ACACB: variants seen among roughly 807,000 people sequenced by gnomAD.
The protein encoded by ACACB is acetyl-CoA carboxylase beta, also known as acetyl-CoA carboxylase 2.
A neutral mutation model predicts 278.8 loss-of-function variants in ACACB; 209 were observed. The observed-to-expected ratio is 0.75, with a 90% confidence interval of 0.67 to 0.84. The LOEUF (loss-of-function observed/expected upper bound fraction) is 0.84, where lower values mean the gene tolerates loss of function less well. Ranked by LOEUF, ACACB falls within the 40% of genes least tolerant of loss-of-function variation. The pLI is 0.00. For missense variants in ACACB, 2,850 were observed against 3,269.0 expected, an observed-to-expected ratio of 0.87 and a Z score of 3.13; for synonymous variants, 1,174 against 1,285.6, an observed-to-expected ratio of 0.91 and a Z score of 1.86.
At chr12:109,264,987 T>G in intron 50 of ACACB, 123 bp from the exon 51 acceptor site, 1 of 1,114,220 alleles carries the variant, frequency 9.0e-7, no homozygotes, top group African/African-American at 1.6e-5. Flanking sequence ...TTGCCTGGGA[T>G]GATCTGGGAA....
chr12:109,148,539 G>A (rs1397899950), intron 2 of ACACB, among the ~76,000 whole-genome samples: 2 of 152,198 alleles, frequency 1.3e-5, no homozygotes, highest in East Asian at 1.9e-4. Context: ...TCATTTGGCA[G>A]CAAAACCTGT....
chr12:109,138,582 AT>A (rs2136016106), intron 1 of ACACB, among the ~76,000 whole-genome samples: 1 of 150,862 alleles, frequency 6.6e-6, no homozygotes, highest in East Asian at 2.0e-4. Flanking sequence ...AAAAAAAAAA[AT>A]AACAGCTTTG....
chr12:109,253,197 C>T (rs200202322), intron 43 of ACACB, 39 bp downstream of exon 43: 5 of 1,498,200 alleles, frequency 3.3e-6, no homozygotes, highest in Admixed American at 2.1e-5. Flanking sequence ...CTGGAAGACT[C>T]TTATTAAGCT....
intron 16 of ACACB, among the ~76,000 whole-genome samples, chr12:109,194,610 CTGTGTGTG>C (rs144545047): frequency 0.22 from 20,687 of 95,126 alleles, 1,824 homozygotes; most frequent in South Asian, 0.35. Context: ...GCCTCTGCCT[CTGTGTGTG>C]TGTGTGTGTG....
Position 109,140,043 on chromosome 12 carries a change from G to A in ACACB, c.638G>A (p.Arg213His), listed in dbSNP as rs560908915. Reference sequence around the variant, plus strand: ...CTGACCACAGGTGAAGCTGAGACCCGCGTCCCCACTATGAGGTAATGTGCA... The same window carrying A: ...CTGACCACAGGTGAAGCTGAGACCCACGTCCCCACTATGAGGTAATGTGCA... ...AYLTTGEAET[R>H]VPTMRPSMSG... The change falls in exon 2 of 53, where the codon CGC (arginine) becomes CAC (histidine). Residue 213 changes from arginine (R) to histidine (H), a missense_variant. Physicochemically the swap from Arg to His is conservative, Grantham distance 29. Coordinates refer to ENST00000338432, the MANE Select transcript of ACACB (RefSeq NM_001093.4). The A allele has an allele frequency of 2.6e-5, 41 of 1,596,752 alleles. No individual in the cohort carries two copies. Among genetic ancestry groups the A allele is most frequent in the African/African-American group, 9.4e-5 (7 of 74,802 alleles).
intron 31 of ACACB, 27 bp downstream of exon 31, chr12:109,234,072 GT>G (rs758704884): frequency 1.3e-6 from 2 of 1,560,260 alleles, no homozygotes; most frequent in African/African-American, 2.7e-5. Context: ...TCTGGTTTTG[GT>G]GGGGGTTCTT....
chr12:109,199,596 C>G (rs1326475306), intron 18 of ACACB, 44 bp downstream of exon 18: 1 of 1,379,224 alleles, frequency 7.3e-7, no homozygotes, highest in African/African-American at 1.5e-5. Context: ...CCCTCAAACT[C>G]CCACTCTTCT....
chr12:109,159,754 T>C (rs540629625), intron 2 of ACACB, among the ~76,000 whole-genome samples: 3 of 151,884 alleles, frequency 2.0e-5, no homozygotes, highest in African/African-American at 7.2e-5. Context: ...CAATCAAAGA[T>C]GTCTCCAGGT....
chr12:109,205,269 G>C (rs1463040115), intron 19 of ACACB, among the ~76,000 whole-genome samples: 1 of 152,158 alleles, frequency 6.6e-6, no homozygotes, highest in Non-Finnish European at 1.5e-5. Context: ...TCCTGTGCTG[G>C]GTTAATGAGG....
chr12:109,194,610 C>CTGTGTGTGTGTGTGTGTGTG (rs144545047), intron 16 of ACACB, among the ~76,000 whole-genome samples: 1 of 95,318 alleles, frequency 1.0e-5, no homozygotes, highest in African/African-American at 3.3e-5. Flanking sequence ...GCCTCTGCCT[C>CTGTGTGTGTGTGTGTGTGTG]TGTGTGTGTG....
intron 27 of ACACB, among the ~76,000 whole-genome samples, chr12:109,227,047 C>T (rs749328771): frequency 1.3e-4 from 20 of 151,930 alleles, no homozygotes; most frequent in Non-Finnish European, 2.5e-4. Flanking sequence ...ACATCCTGTG[C>T]TCAAGCAATC....
intron 27 of ACACB, among the ~76,000 whole-genome samples, chr12:109,224,426 A>T (rs1417789768): frequency 6.6e-6 from 1 of 151,828 alleles, no homozygotes; most frequent in Non-Finnish European, 1.5e-5. Context: ...GAGCCAGGTG[A>T]TCCCAGGTGG....
intron 45 of ACACB, among the ~76,000 whole-genome samples, chr12:109,257,427 C>T (rs1369209485): frequency 6.6e-6 from 1 of 152,066 alleles, no homozygotes; most frequent in Non-Finnish European, 1.5e-5. Flanking sequence ...TAGTGATGCA[C>T]AGTTCAGTAG....
intron 1 of ACACB, among the ~76,000 whole-genome samples, chr12:109,131,972 G>A (rs560970315): frequency 6.6e-6 from 1 of 152,268 alleles, no homozygotes; most frequent in African/African-American, 2.4e-5. Flanking sequence ...TACACAGCCA[G>A]GTGTCTGTCT....
rs760273688 is a variant in ACACB at position 109,241,184 on chromosome 12, GC to G, written c.4926del (p.Ser1643ValfsTer25). On this transcript the variant is annotated frameshift_variant, in exon 36 of 53. Coordinates refer to ENST00000338432, the MANE Select transcript of ACACB (RefSeq NM_001093.4). LOFTEE classifies it high-confidence loss of function. ...VKINIRQTTT[G>X]SAVPIRLFIT... is the part of the protein sequence containing the mutation. ...ATCAACATCCGCCAGACCACCACCGGCAGTGCCGTTCCCATCCGCCTGTTCA... is the reference window on the plus strand; with the variant it reads ...ATCAACATCCGCCAGACCACCACCGGAGTGCCGTTCCCATCCGCCTGTTCA... 3.7e-6 allele frequency: 6 copies of G among 1,614,186 alleles called. No homozygotes were observed. The highest frequency in any genetic ancestry group is 5.1e-6 in the Non-Finnish European group (6 of 1,180,046).
At chr12:109,244,458 TA>T (rs2046886379) in intron 37 of ACACB, among the ~76,000 whole-genome samples, 1 of 152,226 alleles carries the variant, frequency 6.6e-6, no homozygotes, top group Non-Finnish European at 1.5e-5. Flanking sequence ...GGGCGCTTAA[TA>T]AGTGGAAACT....
intron 1 of ACACB, among the ~76,000 whole-genome samples, chr12:109,133,502 G>A (rs1002370190): frequency 2.4e-4 from 36 of 152,020 alleles, no homozygotes; most frequent in African/African-American, 8.2e-4. Context: ...AAGTGCTGGG[G>A]TTACAGGCAT....
intron 50 of ACACB, 62 bp downstream of exon 50, chr12:109,264,448 G>C: frequency 6.5e-7 from 1 of 1,527,900 alleles, no homozygotes; most frequent in Non-Finnish European, 9.0e-7. Context: ...AAACATGGAG[G>C]ACATTTGGGC....
At position 109,253,089 on chromosome 12, in the gene ACACB, C is replaced by T; in HGVS notation, c.5976C>T (p.Ser1992=). ...AGATCATGCATTACAATGGTGTCTC[C>T]CACATCACCGTGCCAGATGACTTTG... The part of the protein sequence containing the change: ...GVQIMHYNGV[S]HITVPDDFEG... The change falls in exon 43 of 53, where the codon TCC becomes TCT. Residue 1992 remains serine, a synonymous_variant. Transcript: ENST00000338432. 6.2e-7 allele frequency: 1 copy of T among 1,613,422 alleles called. No homozygotes were observed. Among genetic ancestry groups the T allele is most frequent in the Non-Finnish European group, 8.5e-7 (1 of 1,179,672 alleles).
Sources: gnomAD v4.1 joint callset for allele counts (sites outside exome capture counted in the v4.1 genomes callset) on GRCh38, gnomAD v4.1.1 for gene constraint, MANE v1.5 for transcripts, NCBI Gene and HGNC (gene_info 2026-07-23, HGNC 2026-07-21) for gene names.